LYPD6B: variants seen among roughly 807,000 people sequenced by gnomAD.
The protein encoded by LYPD6B is ly6/PLAUR domain-containing protein 6B.
A neutral mutation model predicts 22.8 loss-of-function variants in LYPD6B; 17 were observed. The observed-to-expected ratio is 0.75, with a 90% CI of 0.51 to 1.12. The LOEUF (loss-of-function observed/expected upper bound fraction) is 1.12, where lower values mean the gene tolerates loss of function less well. Ranked by LOEUF, LYPD6B falls within the 50% of genes most tolerant of loss-of-function variation. LYPD6B has a pLI of 0.00. For missense variants in LYPD6B, 221 were observed against 258.3 expected, an observed-to-expected ratio of 0.86 and a Z score of 0.99; for synonymous variants, 106 against 91.6, an observed-to-expected ratio of 1.16 and a Z score of -0.90.
At chr2:149,047,909 A>C (rs1394307223) in intron 1 of LYPD6B, among the ~76,000 whole-genome samples, 1 of 152,102 alleles carries the variant, frequency 6.6e-6, no homozygotes, top group Non-Finnish European at 1.5e-5. Context: ...TATCAAGTCC[A>C]CTGAAGAATG....
intron 1 of LYPD6B, among the ~76,000 whole-genome samples, chr2:149,072,671 G>C (rs1225218820): frequency 1.3e-5 from 2 of 151,908 alleles, no homozygotes; most frequent in Non-Finnish European, 2.9e-5. Flanking sequence ...CCGGTAGCTG[G>C]GATTACAGGT....
intron 4 of LYPD6B, 54 bp from the exon 5 acceptor site, chr2:149,208,260 T>G (rs1435580748): frequency 7.5e-7 from 1 of 1,337,022 alleles, no homozygotes; most frequent in Non-Finnish European, 1.1e-6. Flanking sequence ...TGTTTGATGT[T>G]CGAAATTTTT....
intron 3 of LYPD6B, among the ~76,000 whole-genome samples, chr2:149,180,277 C>T (rs1238915955): frequency 6.6e-6 from 1 of 152,104 alleles, no homozygotes; most frequent in Non-Finnish European, 1.5e-5. Flanking sequence ...CCTGATTCAG[C>T]GGGCAGTGAA....
intron 2 of LYPD6B, among the ~76,000 whole-genome samples, chr2:149,148,214 C>G (rs551180399): frequency 2.6e-5 from 4 of 152,206 alleles, no homozygotes; most frequent in Non-Finnish European, 5.9e-5. Context: ...CTTCTAAAAG[C>G]TTTTAGGTGA....
intron 2 of LYPD6B, among the ~76,000 whole-genome samples, chr2:149,149,232 C>T (rs2105816383): frequency 1.3e-5 from 2 of 152,246 alleles, no homozygotes; most frequent in Middle Eastern, 6.8e-3. Flanking sequence ...ATAGAAAGAA[C>T]TTGAACATTT....
intron 2 of LYPD6B, among the ~76,000 whole-genome samples, chr2:149,156,389 C>A (rs763335002): frequency 4.6e-5 from 7 of 152,186 alleles, no homozygotes; most frequent in Non-Finnish European, 1.0e-4. Flanking sequence ...CCCTGGGAAT[C>A]CTGGCAATCC....
intron 3 of LYPD6B, among the ~76,000 whole-genome samples, chr2:149,203,381 C>T (rs143038058): frequency 7.0e-4 from 107 of 152,206 alleles, no homozygotes; most frequent in Non-Finnish European, 1.2e-3. Context: ...ATTAGTCTCC[C>T]CCACACAAAG....
chr2:149,194,736 G>A (rs1348436774), intron 3 of LYPD6B, among the ~76,000 whole-genome samples: 1 of 152,212 alleles, frequency 6.6e-6, no homozygotes, highest in Non-Finnish European at 1.5e-5. Flanking sequence ...GCAGCCAGTG[G>A]AAAGGGAACT....
chr2:149,205,529 C>T, intron 4 of LYPD6B, 125 bp downstream of exon 4: 1 of 1,061,562 alleles, frequency 9.4e-7, no homozygotes. Flanking sequence ...TAGAATAAAA[C>T]AGAAAGTCTC....
chr2:149,049,139 T>G (rs2105276349), intron 1 of LYPD6B, among the ~76,000 whole-genome samples: 1 of 152,330 alleles, frequency 6.6e-6, no homozygotes, highest in East Asian at 1.9e-4. Flanking sequence ...AGTTCTCTCC[T>G]AATGTGCCTT....
chr2:149,197,294 A>G (rs1331854264), intron 3 of LYPD6B, among the ~76,000 whole-genome samples: 1 of 152,132 alleles, frequency 6.6e-6, no homozygotes, highest in Admixed American at 6.5e-5. Flanking sequence ...CGGGCAGATC[A>G]CAAGGTCAAG....
rs76180220 is a variant in LYPD6B, at chr2:149,200,944, A to G, written c.78-4309A>G. Among the ~76,000 whole-genome samples, 1,164 of 152,340 alleles carry G rather than the reference A, an allele frequency of 7.6e-3. 11 individuals are homozygous for G. Among genetic ancestry groups the G allele is most frequent in the Non-Finnish European group, 0.013 (868 of 68,022 alleles). On this transcript the variant is annotated intron_variant, in intron 3 of 6. Coordinates refer to ENST00000409642, the MANE Select transcript of LYPD6B (RefSeq NM_177964.5). ...ATAAAACACAGGAAAAATCAGTACC[A>G]TAGGTGAGGGATTTCTGACCAGGCC...
chr2:149,096,959 C>CA (rs1361480304), intron 1 of LYPD6B, among the ~76,000 whole-genome samples: 1 of 152,220 alleles, frequency 6.6e-6, no homozygotes, highest in African/African-American at 2.4e-5. Context: ...AGCCACTTCT[C>CA]AAAATGTGGA....
intron 3 of LYPD6B, among the ~76,000 whole-genome samples, chr2:149,183,175 C>A (rs1398262674): frequency 1.3e-5 from 2 of 152,022 alleles, no homozygotes; most frequent in Admixed American, 6.6e-5. Flanking sequence ...ATCTACTGTA[C>A]CTTATGCTTC....
intron 2 of LYPD6B, among the ~76,000 whole-genome samples, chr2:149,138,136 A>G (rs2105750546): frequency 1.3e-5 from 2 of 152,274 alleles, no homozygotes; most frequent in South Asian, 4.2e-4. Context: ...TTACTTTTTT[A>G]AAAAACACAA....
rs1454802925 is a variant in LYPD6B at position 149,175,061 on chromosome 2, C to CTCTCTCTCTCTCTGTGTGTG, written c.77+14227_77+14228insCTCTCTCTCTCTGTGTGTGT. On this transcript the variant is annotated intron_variant, in intron 3 of 6. Transcript: ENST00000409642. ...TCTCTCTCTCTCTCTCTCTCTCTCT[C>CTCTCTCTCTCTCTGTGTGTG]TGTGTGTGTGTGTGTGTGTGTGTGT... Among the ~76,000 whole-genome samples the CTCTCTCTCTCTCTGTGTGTG allele has an allele frequency of 1.2e-4, 14 of 113,076 alleles. 1 individual carries two copies. Among genetic ancestry groups the CTCTCTCTCTCTCTGTGTGTG allele is most frequent in the South Asian group, 3.8e-4 (1 of 2,648 alleles). 74.2% of individuals were successfully genotyped at this position (113,076 alleles called of 152,430 possible).
rs192218592 is a variant in LYPD6B, at chr2:149,097,761, A to C, written c.-66-33122A>C. 4.7e-3 allele frequency among the ~76,000 whole-genome samples: 712 copies of C among 152,344 alleles called. 4 individuals carry two copies. The highest frequency in any genetic ancestry group is 0.016 in the African/African-American group (675 of 41,576). On this transcript the variant is annotated intron_variant, in intron 1 of 6. Transcript: ENST00000409642. The stretch of plus-strand genomic sequence containing the variant: ...TACGAAGTTACAGAGTAGGCAATAA[A>C]AAAATCTTAAATACATTCAATTGCT...
chr2:149,109,417 C>G lies in LYPD6B; in HGVS notation c.-66-21466C>G, dbSNP rs545834085. ...TCTTTGTTCCTCTGTGCACAATTTG[C>G]CCTTTTCTCTGGCTACTTTTTAATT... is the stretch of plus-strand genomic sequence containing the variant. On this transcript the variant is annotated intron_variant, in intron 1 of 6. Transcript: ENST00000409642. Among the ~76,000 whole-genome samples the G allele has an allele frequency of 2.6e-5, 4 of 152,148 alleles. No homozygotes were observed. In the South Asian group the frequency reaches 8.3e-4, roughly 32 times the overall value.
intron 1 of LYPD6B, among the ~76,000 whole-genome samples, chr2:149,084,037 T>G (rs1417967260): frequency 1.6e-4 from 25 of 152,028 alleles, no homozygotes; most frequent in Non-Finnish European, 1.3e-4. Flanking sequence ...AGGCAGAGGT[T>G]GCAGTGAGCC....
Sources: allele counts gnomAD v4.1 joint callset (sites outside exome capture counted in the v4.1 genomes callset), GRCh38; gene constraint gnomAD v4.1.1; transcripts MANE v1.5; gene names NCBI Gene and HGNC (gene_info 2026-07-23, HGNC 2026-07-21).